PALD1: variants seen among roughly 807,000 people sequenced by gnomAD.
The protein encoded by PALD1 is phosphatase domain containing paladin 1.
Under a neutral mutation model 96.0 loss-of-function variants are expected in PALD1, and 57 were observed. The observed-to-expected ratio is 0.59, with a 90% CI of 0.48 to 0.74. The LOEUF (loss-of-function observed/expected upper bound fraction) is 0.74. Ranked by LOEUF, PALD1 falls within the 30% of genes least tolerant of loss-of-function variation. The pLI is 0.00. For synonymous variants in PALD1, 464 were observed against 473.6 expected (o/e 0.98, Z 0.26); for missense variants, 1,063 against 1,143.7 (o/e 0.93, Z 1.02).
intron 18 of PALD1, among the ~76,000 whole-genome samples, chr10:70,554,846 C>T (rs563983347): frequency 6.1e-5 from 9 of 147,598 alleles, no homozygotes; most frequent in African/African-American, 2.3e-4. Flanking sequence ...GGTCTCAAAG[C>T]GAGATTTATT....
At chr10:70,566,550 A>G (rs1299565995) in intron 19 of PALD1, 31 bp from the exon 20 acceptor site, 1 of 1,574,168 alleles carries the variant, frequency 6.4e-7, no homozygotes, top group Admixed American at 1.8e-5. Context: ...CCTCCCCTGA[A>G]ACACTGCTCC....
intron 18 of PALD1, among the ~76,000 whole-genome samples, chr10:70,548,135 A>G (rs1164536449): frequency 2.0e-5 from 3 of 151,990 alleles, no homozygotes; most frequent in South Asian, 4.2e-4. Flanking sequence ...GTGAAACTCC[A>G]TCTCTACTGA....
chr10:70,518,294 T>C (rs181879223), intron 1 of PALD1, among the ~76,000 whole-genome samples: 3 of 152,330 alleles, frequency 2.0e-5, no homozygotes, highest in Non-Finnish European at 4.4e-5. Flanking sequence ...TTTGCTGTTA[T>C]GAATATGCTG....
At chr10:70,502,309 A>T (rs537088427) in intron 1 of PALD1, among the ~76,000 whole-genome samples, 22 of 152,318 alleles carry the variant, frequency 1.4e-4, no homozygotes, top group South Asian at 2.1e-4. Flanking sequence ...CCTGTTAAGG[A>T]TGTTCATCTG....
Position 70,538,132 on chromosome 10 carries a change from C to T in PALD1, c.1324-148C>T, listed in dbSNP as rs537700642. On this transcript the variant is annotated intron_variant, in intron 11 of 19. Coordinates refer to ENST00000263563, the MANE Select transcript of PALD1 (RefSeq NM_014431.3). ...CTCTGTCCTTAACCAGGACACCAGA[C>T]GTCCAGGTCTTCTCTCAGCCACTCC... is the stretch of plus-strand genomic sequence containing the variant. 4.7e-4 allele frequency: 400 copies of T among 853,428 alleles called. 9 individuals are homozygous for T. In the South Asian group the frequency reaches 6.0e-3, roughly 13 times the overall value. 52.9% of individuals were successfully genotyped at this position (853,428 alleles called of 1,614,324 possible). A position where few individuals can be genotyped will look rare whatever the true frequency, so the allele number is the denominator to read the frequency against.
chr10:70,492,917 C>T (rs1341798829), intron 1 of PALD1, among the ~76,000 whole-genome samples: 2 of 152,218 alleles, frequency 1.3e-5, no homozygotes, highest in Non-Finnish European at 2.9e-5. Flanking sequence ...GGAGTCTGGA[C>T]TGAGTCATGT....
chr10:70,480,267 G>C (rs989723829), intron 1 of PALD1, among the ~76,000 whole-genome samples: 1 of 152,224 alleles, frequency 6.6e-6, no homozygotes, highest in Non-Finnish European at 1.5e-5. Flanking sequence ...GCTGAGCACA[G>C]GACACTCCTA....
the PALD1 span, among the ~76,000 whole-genome samples, chr10:70,461,531 G>A: frequency 6.6e-6 from 1 of 152,216 alleles, no homozygotes; most frequent in Non-Finnish European, 1.5e-5. Context: ...GAAAGGTGTG[G>A]AGGCCCAGCT....
At chr10:70,533,154 C>T (rs1564700472) in intron 7 of PALD1, 84 bp downstream of exon 7, 3 of 1,094,448 alleles carry the variant, frequency 2.7e-6, no homozygotes, top group East Asian at 2.6e-5. Flanking sequence ...AGCCTCTCGC[C>T]TTCCTCAGAG....
Position 70,517,342 on chromosome 10 carries a change from A to AT in PALD1, c.-29-8564dup, listed in dbSNP as rs35816076. 5.2e-3 allele frequency among the ~76,000 whole-genome samples: 712 copies of AT among 137,630 alleles called. 5 individuals carry two copies. The highest frequency in any genetic ancestry group is 7.6e-3 in the Middle Eastern group (2 of 264). 90.3% of individuals were successfully genotyped at this position (137,630 alleles called of 152,430 possible). On this transcript the variant is annotated intron_variant, in intron 1 of 19. Coordinates refer to ENST00000263563, the MANE Select transcript of PALD1 (RefSeq NM_014431.3). ...TGAAATTACCCCTTTTTAAGTGTTC[A>AT]TTTTTTTTTTTTTTTTTGAGATGGA...
chr10:70,546,208 G>T (rs2132411179), intron 17 of PALD1, among the ~76,000 whole-genome samples: 1 of 152,238 alleles, frequency 6.6e-6, no homozygotes, highest in East Asian at 1.9e-4. Flanking sequence ...CTACACTCCA[G>T]ACTGGGTGAC....
intron 18 of PALD1, 52 bp from the exon 19 acceptor site, chr10:70,564,312 G>C (rs1847795812): frequency 3.2e-6 from 5 of 1,556,764 alleles, no homozygotes; most frequent in Non-Finnish European, 4.4e-6. Context: ...ATGTTTGTGT[G>C]TTGGGGGACA....
rs1160777531 is a variant in PALD1 at position 70,502,463 on chromosome 10, C to T, written c.-30+23404C>T. Among the ~76,000 whole-genome samples the T allele has an allele frequency of 2.7e-5, 4 of 149,362 alleles. No homozygotes were observed. The Admixed American group carries it at 2.7e-4, about 10-fold the overall frequency. ...TTTGTGGCCCTGTCTTTCCCTGTTT[C>T]CTTTGGATACATTGATAGAAGGATT... is the stretch of plus-strand genomic sequence containing the variant. On this transcript the variant is annotated intron_variant, in intron 1 of 19. Transcript: ENST00000263563.
chr10:70,481,214 C>T (rs1015181190), intron 1 of PALD1, among the ~76,000 whole-genome samples: 14 of 152,166 alleles, frequency 9.2e-5, no homozygotes, highest in Admixed American at 3.3e-4. Flanking sequence ...TCCTGGGGGG[C>T]ACAGACACAT....
At chr10:70,468,512 G>C in the PALD1 span, among the ~76,000 whole-genome samples, 18 of 152,094 alleles carry the variant, frequency 1.2e-4, no homozygotes, top group Non-Finnish European at 2.4e-4. Flanking sequence ...CCAAAGTGCT[G>C]GGATTACAGG....
chr10:70,491,457 T>G (rs187933841), intron 1 of PALD1, among the ~76,000 whole-genome samples: 4 of 152,232 alleles, frequency 2.6e-5, no homozygotes, highest in East Asian at 1.9e-4. Flanking sequence ...TTCTTTGTGC[T>G]GTGTGTGATG....
intron 1 of PALD1, among the ~76,000 whole-genome samples, chr10:70,520,123 C>G (rs1301309064): frequency 6.6e-6 from 1 of 151,492 alleles, no homozygotes; most frequent in Non-Finnish European, 1.5e-5. Context: ...TTCCGGCCGG[C>G]GGGGAGGGCA....
chr10:70,520,787 G>A (rs1050163541), intron 1 of PALD1, among the ~76,000 whole-genome samples: 2 of 146,442 alleles, frequency 1.4e-5, no homozygotes, highest in African/African-American at 2.5e-5. Context: ...TGCCTTCTGG[G>A]TTTAAGCGAC....
At chr10:70,494,569 TG>T (rs1203188155) in intron 1 of PALD1, among the ~76,000 whole-genome samples, 1 of 152,222 alleles carries the variant, frequency 6.6e-6, no homozygotes, top group Non-Finnish European at 1.5e-5. Context: ...GTGAACCTCG[TG>T]GGTTTGAGCG....
Sources: gnomAD v4.1 joint callset for allele counts (sites outside exome capture counted in the v4.1 genomes callset) on GRCh38, gnomAD v4.1.1 for gene constraint, MANE v1.5 for transcripts, NCBI Gene and HGNC (gene_info 2026-07-23, HGNC 2026-07-21) for gene names.